UBE3A: variants seen among roughly 807,000 people sequenced by gnomAD.
The protein encoded by UBE3A is ubiquitin protein ligase E3A, also known as ubiquitin-protein ligase E3A.
UBE3A carries 6 observed loss-of-function variants against 83.4 expected under a neutral mutation model. The observed-to-expected ratio is 0.07, with a 90% CI of 0.04 to 0.14. The LOEUF is 0.14. Among genes scored for constraint, UBE3A ranks in the 10% least tolerant of loss-of-function variants. The pLI is 1.00. For missense variants in UBE3A, 456 were observed against 1,036.1 expected, an observed-to-expected ratio of 0.44 and a Z score of 7.69; for synonymous variants, 337 against 355.4, an observed-to-expected ratio of 0.95 and a Z score of 0.58.
At chr15:25,408,093 C>T (rs2089103266) in intron 3 of UBE3A, 1 of 154,368 alleles carries the variant, frequency 6.5e-6, no homozygotes, top group African/African-American at 2.4e-5. Flanking sequence ...GTGGTGGGTG[C>T]CTTTAGTCCC....
At chr15:25,366,721 T>C (rs528006936) in intron 6 of UBE3A, among the ~76,000 whole-genome samples, 2 of 152,192 alleles carry the variant, frequency 1.3e-5, no homozygotes, top group South Asian at 4.1e-4. Flanking sequence ...AACATACTTG[T>C]ATATCAAAAT....
At chr15:25,416,629 G>C (rs1210371093) in intron 1 of UBE3A, among the ~76,000 whole-genome samples, 6 of 142,410 alleles carry the variant, frequency 4.2e-5, no homozygotes, top group African/African-American at 1.6e-4. Flanking sequence ...GAAGTGTATA[G>C]CTTAAAACAT....
intron 4 of UBE3A, among the ~76,000 whole-genome samples, chr15:25,403,460 A>C (rs1050939372): frequency 1.3e-5 from 2 of 152,218 alleles, no homozygotes; most frequent in African/African-American, 4.8e-5. Context: ...ACTCTCACAC[A>C]ATATGTGATG....
chr15:25,420,267 A>C (rs1658459590), intron 1 of UBE3A, among the ~76,000 whole-genome samples: 1 of 152,200 alleles, frequency 6.6e-6, no homozygotes, highest in African/African-American at 2.4e-5. Context: ...GAGACATTTC[A>C]TAATGATAAA....
intron 4 of UBE3A, among the ~76,000 whole-genome samples, chr15:25,399,160 T>A (rs941964405): frequency 6.6e-5 from 10 of 152,098 alleles, no homozygotes; most frequent in African/African-American, 2.4e-4. Flanking sequence ...AGTTTTTTCA[T>A]TCTGTAGATT....
intron 11 of UBE3A, among the ~76,000 whole-genome samples, chr15:25,341,073 A>T (rs1374742308): frequency 6.6e-6 from 1 of 150,990 alleles, no homozygotes; most frequent in Non-Finnish European, 1.5e-5. Flanking sequence ...TAGCTAAATA[A>T]ATTTTTTTTT....
intron 7 of UBE3A, among the ~76,000 whole-genome samples, chr15:25,357,902 CTTTTTTTTT>C (rs35596421): frequency 1.0e-5 from 1 of 95,744 alleles, no homozygotes; most frequent in Non-Finnish European, 2.0e-5. Context: ...ATCATGGAGG[CTTTTTTTTT>C]TTTTTTTTTT....
At chr15:25,401,878 C>T (rs1291275253) in intron 4 of UBE3A, among the ~76,000 whole-genome samples, 1 of 152,066 alleles carries the variant, frequency 6.6e-6, no homozygotes, top group Non-Finnish European at 1.5e-5. Context: ...ATTGCATTTT[C>T]AGCTTCAGAA....
At chr15:25,403,964 T>C (rs1364542943) in intron 4 of UBE3A, among the ~76,000 whole-genome samples, 3 of 152,182 alleles carry the variant, frequency 2.0e-5, no homozygotes, top group Admixed American at 1.3e-4. Flanking sequence ...TGAGGAATTA[T>C]TGTTTAATGG....
At chr15:25,399,660 C>A (rs190186052) in intron 4 of UBE3A, among the ~76,000 whole-genome samples, 1 of 152,244 alleles carries the variant, frequency 6.6e-6, no homozygotes, top group African/African-American at 2.4e-5. Context: ...CCTTAAGCTC[C>A]TGAGCTCAAG....
At chr15:25,373,489 G>A (rs151072121) in intron 5 of UBE3A, 1 of 152,162 alleles carries the variant, frequency 6.6e-6, no homozygotes, top group East Asian at 1.9e-4. Flanking sequence ...TTTTGTTGTT[G>A]TTTTTTGACA....
At chr15:25,381,928 C>T (rs1158753144) in intron 4 of UBE3A, among the ~76,000 whole-genome samples, 1 of 152,142 alleles carries the variant, frequency 6.6e-6, no homozygotes, top group Non-Finnish European at 1.5e-5. Flanking sequence ...CGAACAAAAA[C>T]CTATTAAATA....
chr15:25,432,191 C>G (rs1222149634), intron 1 of UBE3A, among the ~76,000 whole-genome samples: 1 of 152,250 alleles, frequency 6.6e-6, no homozygotes, highest in Non-Finnish European at 1.5e-5. Flanking sequence ...TACAAGAGTG[C>G]AAGAAAGTGA....
rs142726511 is a variant in UBE3A, at chr15:25,375,484, G to A, written c.342C>T (p.Gly114=). The A allele has an allele frequency of 9.4e-5, 152 of 1,613,904 alleles. No individual in the cohort carries two copies. Among genetic ancestry groups the A allele is most frequent in the Non-Finnish European group, 1.2e-4 (145 of 1,180,018 alleles). The change falls in exon 5 of 13, where the codon GGC becomes GGT. Residue 114 remains glycine (G), a synonymous_variant. Coordinates refer to ENST00000648336, the MANE Select transcript of UBE3A (RefSeq NM_130839.5). The stretch of plus-strand genomic sequence containing the variant: ...TCTTACCTTTAAAATCAATTCTAGC[G>A]CCTTTCTTGTTCATTTTTATCTCAG... ...SCSEIKMNKK[G]ARIDFKDVTY...
chr15:25,369,427 A>G (rs1366606410), intron 6 of UBE3A, among the ~76,000 whole-genome samples: 1 of 151,816 alleles, frequency 6.6e-6, no homozygotes, highest in African/African-American at 2.4e-5. Flanking sequence ...CTGAGATGTC[A>G]AATAACTTTT....
At position 25,371,535 on chromosome 15, in the gene UBE3A, A is replaced by G. The variant is rs1352745279; in HGVS notation, c.639T>C (p.Asp213=). The part of the protein sequence containing the change: ...DSEASSSRIG[D]SSQGDNNLQK... ...GCAAATTGTTGTCTCCCTGTGAGCT[A>G]TCACCTATCCTTGAGGAAGATGCTT... The change falls in exon 6 of 13, where the codon GAT becomes GAC. Residue 213 remains aspartate (D), a synonymous_variant. Transcript: ENST00000648336. This position sits in a 1 kb window ranked among gnomAD's most constrained non-coding sequence, Gnocchi z 5.3. The G allele has an allele frequency of 6.2e-7, 1 of 1,614,178 alleles. No individual in the cohort carries two copies. Among genetic ancestry groups the G allele is most frequent in the East Asian group, 2.2e-5 (1 of 44,872 alleles).
chr15:25,348,881 C>G (rs1216928856), intron 11 of UBE3A, among the ~76,000 whole-genome samples: 1 of 152,188 alleles, frequency 6.6e-6, no homozygotes, highest in African/African-American at 2.4e-5. Context: ...TGAATTCTCT[C>G]CAAATTGACC....
At chr15:25,397,142 G>A (rs3887213) in intron 4 of UBE3A, among the ~76,000 whole-genome samples, 1,966 of 152,286 alleles carry the variant, frequency 0.013, 25 homozygotes, top group Middle Eastern at 0.041. Context: ...CTAGATATAG[G>A]AATGTGAGAA....
At chr15:25,386,528 A>C (rs2083169262) in intron 4 of UBE3A, among the ~76,000 whole-genome samples, 1 of 152,194 alleles carries the variant, frequency 6.6e-6, no homozygotes, top group Non-Finnish European at 1.5e-5. Context: ...ACACAAACAA[A>C]AACAAAAAAC....
Sources: allele counts gnomAD v4.1 joint callset (sites outside exome capture counted in the v4.1 genomes callset), GRCh38; gene constraint gnomAD v4.1.1; non-coding constraint Gnocchi (gnomAD v3.1); transcripts MANE v1.5; gene names NCBI Gene and HGNC (gene_info 2026-07-23, HGNC 2026-07-21).